HDAC9: variants seen among roughly 807,000 people sequenced by gnomAD.
The protein encoded by HDAC9 is histone deacetylase 9, also known as MEF-2 interacting transcription repressor (MITR) protein.
HDAC9 carries 41 observed loss-of-function variants against 139.4 expected under a neutral mutation model. The observed-to-expected ratio is 0.29, with a 90% CI of 0.23 to 0.38. The LOEUF (loss-of-function observed/expected upper bound fraction) is 0.38. Among genes scored for constraint, HDAC9 ranks in the 10% least tolerant of loss-of-function variants. HDAC9 has a pLI of 1.00. For missense variants in HDAC9, 1,147 were observed against 1,297.0 expected (o/e 0.88, Z 1.78); for synonymous variants, 517 against 476.2 (o/e 1.09, Z -1.12).
intron 21 of HDAC9, among the ~76,000 whole-genome samples, chr7:18,871,717 A>C (rs897733484): frequency 3.3e-5 from 5 of 152,154 alleles, no homozygotes; most frequent in African/African-American, 1.2e-4. Flanking sequence ...TGCATTATTC[A>C]ATCTTTCAGA....
At chr7:18,893,839 G>C (rs1239366290) in intron 22 of HDAC9, among the ~76,000 whole-genome samples, 1 of 152,108 alleles carries the variant, frequency 6.6e-6, no homozygotes, top group Non-Finnish European at 1.5e-5. Flanking sequence ...TTTGCCTGAA[G>C]AGCTGAAGGT....
At chr7:18,660,286 C>T (rs1411150566) in intron 11 of HDAC9, among the ~76,000 whole-genome samples, 1 of 151,924 alleles carries the variant, frequency 6.6e-6, no homozygotes, top group Non-Finnish European at 1.5e-5. Context: ...TCCCTTTCTG[C>T]ATTTATATTT....
intron 2 of HDAC9, among the ~76,000 whole-genome samples, chr7:18,510,395 A>G (rs1013667812): frequency 6.6e-6 from 1 of 152,146 alleles, no homozygotes; most frequent in Non-Finnish European, 1.5e-5. Flanking sequence ...AGAAGAATAA[A>G]TTTAGTTGTG....
chr7:18,441,934 AC>A (rs1791811114), intron 1 of HDAC9, among the ~76,000 whole-genome samples: 1 of 151,820 alleles, frequency 6.6e-6, no homozygotes, highest in Admixed American at 6.6e-5. Flanking sequence ...CGCCCGGCTA[AC>A]TTTTTTTTGT....
At chr7:18,758,673 C>T (rs1350163005) in intron 14 of HDAC9, among the ~76,000 whole-genome samples, 2 of 152,164 alleles carry the variant, frequency 1.3e-5, no homozygotes, top group East Asian at 1.9e-4. Context: ...ATAAAGAAAG[C>T]TGTTGCTCTT....
chr7:18,440,460 C>T (rs1208920494), intron 1 of HDAC9, among the ~76,000 whole-genome samples: 1 of 152,166 alleles, frequency 6.6e-6, no homozygotes, highest in Non-Finnish European at 1.5e-5. Flanking sequence ...GCTGGGATTA[C>T]AGGCATGAGC....
intron 2 of HDAC9, among the ~76,000 whole-genome samples, chr7:18,173,173 T>G (rs1430114313): frequency 1.3e-5 from 2 of 152,226 alleles, no homozygotes; most frequent in African/African-American, 4.8e-5. Context: ...GGTTAGCTCT[T>G]CTTGTTGAAT....
intron 1 of HDAC9, among the ~76,000 whole-genome samples, chr7:18,410,467 A>T (rs185614122): frequency 6.6e-6 from 1 of 152,320 alleles, no homozygotes; most frequent in East Asian, 1.9e-4. Context: ...TTCAACAAAG[A>T]ATGTTTTCTG....
intron 22 of HDAC9, among the ~76,000 whole-genome samples, chr7:18,883,049 G>A (rs1411882377): frequency 6.6e-6 from 1 of 152,090 alleles, no homozygotes; most frequent in African/African-American, 2.4e-5. Context: ...TGAAAAAGTG[G>A]TAATGTTTTT....
Position 18,210,995 on chromosome 7 carries a change from A to T in HDAC9, c.25+48646A>T, listed in dbSNP as rs188445593. ...TTCCTTTGGAGTCATGATGGTAAAT[A>T]TGACCACAGTTACTTAAAATGCATG... On this transcript the variant is annotated intron_variant, in intron 2 of 12. Coordinates refer to the HDAC9 transcript ENST00000417496. Among the ~76,000 whole-genome samples the T allele has an allele frequency of 3.8e-3, 582 of 152,320 alleles. 3 individuals carry two copies. The highest frequency in any genetic ancestry group is 6.9e-3 in the Admixed American group (105 of 15,298).
chr7:18,817,291 C>T (rs1172746960), intron 17 of HDAC9, among the ~76,000 whole-genome samples: 1 of 152,112 alleles, frequency 6.6e-6, no homozygotes, highest in South Asian at 2.1e-4. Flanking sequence ...ACCTCGGCCT[C>T]CCAAAGTGCT....
intron 24 of HDAC9, among the ~76,000 whole-genome samples, chr7:18,955,377 C>CT (rs1170169368): frequency 2.6e-5 from 4 of 152,054 alleles, no homozygotes; most frequent in African/African-American, 4.8e-5. Flanking sequence ...TTGTAGTGAT[C>CT]TTTGACAGCA....
intron 6 of HDAC9, among the ~76,000 whole-genome samples, chr7:18,595,767 G>C (rs1029469874): frequency 3.3e-5 from 5 of 152,018 alleles, no homozygotes; most frequent in African/African-American, 1.2e-4. Flanking sequence ...ACTTTGAAAA[G>C]AAGTGGCATT....
intron 1 of HDAC9, among the ~76,000 whole-genome samples, chr7:18,432,939 A>G (rs1184562695): frequency 2.0e-5 from 3 of 149,896 alleles, no homozygotes; most frequent in Non-Finnish European, 4.4e-5. Context: ...CAACAGAATG[A>G]GACTCTGTCT....
chr7:18,789,079 C>G (rs139885432), intron 16 of HDAC9, among the ~76,000 whole-genome samples: 30 of 152,108 alleles, frequency 2.0e-4, no homozygotes, highest in African/African-American at 6.5e-4. Context: ...AACACAGGAC[C>G]GTGATCTGAG....
At chr7:18,380,464 T>C (rs2128712627) in intron 1 of HDAC9, among the ~76,000 whole-genome samples, 1 of 152,350 alleles carries the variant, frequency 6.6e-6, no homozygotes. Flanking sequence ...GACCAAAGCA[T>C]TACTTGTTAT....
chr7:18,504,940 A>G (rs1461416189), intron 2 of HDAC9, among the ~76,000 whole-genome samples: 1 of 152,224 alleles, frequency 6.6e-6, no homozygotes, highest in East Asian at 1.9e-4. Context: ...ATGTGGACAC[A>G]TTTATATATG....
chr7:18,705,869 T>TA lies in HDAC9; in HGVS notation c.1732-21707dup, dbSNP rs200325857. On this transcript the variant is annotated intron_variant, in intron 12 of 25. Coordinates refer to ENST00000686413, the MANE Select transcript of HDAC9 (RefSeq NM_178425.4). Reference sequence around the variant, plus strand: ...CTCTGTCTCAAAAAAAAAAATAAAATAAAATAAAATAAAAGAAATGGTTCA... The same window carrying TA: ...CTCTGTCTCAAAAAAAAAAATAAAATAAAAATAAAATAAAAGAAATGGTTCA... 5.1e-3 allele frequency among the ~76,000 whole-genome samples: 555 copies of TA among 109,062 alleles called. 44 individuals are homozygous for TA. Among genetic ancestry groups the TA allele is most frequent in the African/African-American group, 0.025 (529 of 21,480 alleles). 71.5% of individuals were successfully genotyped at this position (109,062 alleles called of 152,430 possible).
At chr7:18,922,752 A>T (rs911640518) in intron 22 of HDAC9, among the ~76,000 whole-genome samples, 2 of 152,126 alleles carry the variant, frequency 1.3e-5, no homozygotes, top group Non-Finnish European at 2.9e-5. Context: ...AGATTTAGTT[A>T]CTAATATCAT....
Sources: allele counts gnomAD v4.1 joint callset (sites outside exome capture counted in the v4.1 genomes callset), GRCh38; gene constraint gnomAD v4.1.1; transcripts MANE v1.5; gene names NCBI Gene and HGNC (gene_info 2026-07-23, HGNC 2026-07-21).